CHRNA5: variants seen among roughly 807,000 people sequenced by gnomAD.
The protein encoded by CHRNA5 is cholinergic receptor nicotinic alpha 5 subunit.
CHRNA5 carries 28 observed loss-of-function variants against 41.2 expected under a neutral mutation model. The ratio of observed to expected loss-of-function variants is 0.68; its 90% CI spans 0.50 to 0.93. The LOEUF (loss-of-function observed/expected upper bound fraction) is 0.93, where lower values mean the gene tolerates loss of function less well. Among genes scored for constraint, CHRNA5 ranks in the 40% least tolerant of loss-of-function variants. The pLI is 0.00. For synonymous variants in CHRNA5, 188 were observed against 205.8 expected (o/e 0.91, Z 0.74); for missense variants, 481 against 581.9 (o/e 0.83, Z 1.78).
intron 4 of CHRNA5, 25 bp from the exon 5 acceptor site, chr15:78,589,777 ATTG>A (rs748900903): frequency 4.1e-6 from 6 of 1,480,328 alleles, no homozygotes; most frequent in Non-Finnish European, 5.5e-6. Context: ...TAATTTCTGC[ATTG>A]TTATTTTATA....
intron 1 of CHRNA5, among the ~76,000 whole-genome samples, chr15:78,568,995 G>A (rs776984013): frequency 6.6e-6 from 1 of 152,118 alleles, no homozygotes; most frequent in Non-Finnish European, 1.5e-5. Flanking sequence ...GAAGCTAACA[G>A]AAATACACAC....
At chr15:78,589,919 T>A (rs71528534) in exon 5 of CHRNA5, 7 of 1,614,222 alleles carry the variant, frequency 4.3e-6, no homozygotes, top group Non-Finnish European at 5.9e-6. Context: ...ATGTCACGTT[T>A]TTCCCATTTG....
chr15:78,570,424 A>ATTTTTTTTTTTTTTTTTTTT lies in CHRNA5; in HGVS notation c.106+4605_106+4624dup, dbSNP rs71148540. On this transcript the variant is annotated intron_variant, in intron 1 of 5. Transcript: ENST00000299565. ...CAGGCATGTGCCACCAATCCCGGCT[A>ATTTTTTTTTTTTTTTTTTTT]TTTTTTTTTTTTTTTTTTTTTTTTT... Among the ~76,000 whole-genome samples the ATTTTTTTTTTTTTTTTTTTT allele has an allele frequency of 2.6e-4, 17 of 64,170 alleles. 2 individuals carry two copies. The highest frequency in any genetic ancestry group is 2.4e-3 in the East Asian group (3 of 1,252). 42.1% of individuals were successfully genotyped at this position (64,170 alleles called of 152,430 possible). A position where few individuals can be genotyped will look rare whatever the true frequency, so the allele number is the denominator to read the frequency against.
chr15:78,594,136 GCTTA>G (rs1469606707), exon 6 of CHRNA5: 1 of 152,066 alleles, frequency 6.6e-6, no homozygotes, highest in East Asian at 1.9e-4. Context: ...CTCCTTTAAG[GCTTA>G]CTTTATTCTT....
At chr15:78,585,061 A>G (rs2052946396) in intron 2 of CHRNA5, among the ~76,000 whole-genome samples, 1 of 152,146 alleles carries the variant, frequency 6.6e-6, no homozygotes, top group Admixed American at 6.5e-5. Context: ...CTGGGACTAC[A>G]GGTGTGCCAC....
intron 1 of CHRNA5, among the ~76,000 whole-genome samples, chr15:78,566,825 A>G (rs2052752055): frequency 7.0e-6 from 1 of 141,956 alleles, no homozygotes; most frequent in Admixed American, 6.7e-5. Flanking sequence ...ATTTAAACAA[A>G]TGAAGAAAAT....
At chr15:78,579,197 T>G (rs1220506510) in intron 1 of CHRNA5, among the ~76,000 whole-genome samples, 1 of 152,048 alleles carries the variant, frequency 6.6e-6, no homozygotes, top group Non-Finnish European at 1.5e-5. Flanking sequence ...TAGCCAACCA[T>G]GTTCACATTC....
At chr15:78,583,751 T>C (rs1408514027) in intron 2 of CHRNA5, among the ~76,000 whole-genome samples, 2 of 150,968 alleles carry the variant, frequency 1.3e-5, no homozygotes, top group Non-Finnish European at 3.0e-5. Flanking sequence ...GCAGAGAAGA[T>C]GATGAGTTTG....
chr15:78,566,848 G>C (rs2052752347), intron 1 of CHRNA5, among the ~76,000 whole-genome samples: 1 of 152,208 alleles, frequency 6.6e-6, no homozygotes, highest in South Asian at 2.1e-4. Context: ...TGGGCAGAGA[G>C]AGTTAAACAG....
Position 78,585,786 on chromosome 15 carries a change from TC to T in CHRNA5, c.259-858del, listed in dbSNP as rs765659318. Reference sequence around the variant, plus strand: ...TTTTCTTTTTCTTTTTCTTTTCTTTTCTTTCTTTTTTTTTTTGAGATGGAGT... The same window carrying T: ...TTTTCTTTTTCTTTTTCTTTTCTTTTTTTCTTTTTTTTTTTGAGATGGAGT... On this transcript the variant is annotated intron_variant, in intron 2 of 5. Transcript: ENST00000299565. 3.2e-5 allele frequency among the ~76,000 whole-genome samples: 3 copies of T among 94,730 alleles called. No individual in the cohort carries two copies. The Admixed American group carries it at 4.1e-4, about 13-fold the overall frequency. 62.1% of individuals were successfully genotyped at this position (94,730 alleles called of 152,430 possible). A position where few individuals can be genotyped will look rare whatever the true frequency, so the allele number is the denominator to read the frequency against.
chr15:78,572,565 C>A (rs1366768874), intron 1 of CHRNA5, among the ~76,000 whole-genome samples: 1 of 152,054 alleles, frequency 6.6e-6, no homozygotes. Flanking sequence ...CTCACTGCAA[C>A]CTCTGCCTCC....
intron 1 of CHRNA5, among the ~76,000 whole-genome samples, chr15:78,574,451 A>T (rs75034808): frequency 0.04 from 6,050 of 151,456 alleles, 365 homozygotes; most frequent in African/African-American, 0.13. Context: ...AGGTTTTTTT[A>T]AAAAAATCTT....
chr15:78,594,082 C>T (rs1036190004), exon 6 of CHRNA5: 6 of 152,150 alleles, frequency 3.9e-5, no homozygotes, highest in African/African-American at 1.4e-4. Context: ...GCTGCTTTTC[C>T]ATAACCAACA....
At chr15:78,590,454 A>G (rs780040957) in exon 5 of CHRNA5, 3 of 1,614,084 alleles carry the variant, frequency 1.9e-6, no homozygotes, top group African/African-American at 2.7e-5. Flanking sequence ...GGTCCGCAAG[A>G]TATTTCTTCA....
At chr15:78,567,881 T>G (rs923285845) in intron 1 of CHRNA5, among the ~76,000 whole-genome samples, 2 of 152,216 alleles carry the variant, frequency 1.3e-5, no homozygotes, top group Non-Finnish European at 2.9e-5. Flanking sequence ...TGCTCTTAAC[T>G]GTTAATATGC....
chr15:78,571,148 G>T (rs965478254), intron 1 of CHRNA5, among the ~76,000 whole-genome samples: 5 of 152,216 alleles, frequency 3.3e-5, no homozygotes, highest in African/African-American at 1.2e-4. Flanking sequence ...CTGTTGGTCA[G>T]TGTATCACAA....
intron 2 of CHRNA5, among the ~76,000 whole-genome samples, chr15:78,582,645 T>TCAAA (rs2052923950): frequency 6.6e-6 from 1 of 152,108 alleles, no homozygotes; most frequent in Admixed American, 6.6e-5. Flanking sequence ...AATGACCTTA[T>TCAAA]CAAAGAAGGT....
intron 1 of CHRNA5, among the ~76,000 whole-genome samples, chr15:78,567,234 CA>C (rs2052758815): frequency 6.8e-6 from 1 of 146,178 alleles, no homozygotes; most frequent in African/African-American, 2.6e-5. Context: ...GCCTGGGCAA[CA>C]CAGCGAGACT....
chr15:78,565,820 A>G (rs2052741765), exon 1 of CHRNA5: 2 of 1,218,626 alleles, frequency 1.6e-6, no homozygotes, highest in Non-Finnish European at 1.0e-6. Flanking sequence ...GGCGGCGCGC[A>G]GAGAGGTAAG....
Sources: gnomAD v4.1 joint callset for allele counts (sites outside exome capture counted in the v4.1 genomes callset) on GRCh38, gnomAD v4.1.1 for gene constraint, MANE v1.5 for transcripts, NCBI Gene and HGNC (gene_info 2026-07-23, HGNC 2026-07-21) for gene names.